COMMD10: variants seen among roughly 807,000 people sequenced by gnomAD.
COMMD10 encodes the protein COMM domain-containing protein 10.
In COMMD10, 33 loss-of-function variants were observed where a neutral mutation model predicts 28.9. The ratio of observed to expected loss-of-function variants is 1.14; its 90% CI spans 0.87 to 1.53. COMMD10 has a LOEUF of 1.53. Among genes scored for constraint, COMMD10 ranks in the 40% most tolerant of loss-of-function variants. The pLI is 0.00. For missense variants in COMMD10, 310 were observed against 233.4 expected, an observed-to-expected ratio of 1.33 and a Z score of -2.14; for synonymous variants, 110 against 81.7, an observed-to-expected ratio of 1.35 and a Z score of -1.87.
chr5:116,290,246 T>A (rs1328598156), intron 5 of COMMD10, among the ~76,000 whole-genome samples: 1 of 151,898 alleles, frequency 6.6e-6, no homozygotes, highest in Non-Finnish European at 1.5e-5. Context: ...ATTAAATCTT[T>A]GGAGCTTTAA....
chr5:116,268,120 G>T (rs1214499378), intron 5 of COMMD10, among the ~76,000 whole-genome samples: 5 of 151,868 alleles, frequency 3.3e-5, no homozygotes, highest in African/African-American at 7.3e-5. Context: ...AAACTAAAGA[G>T]CTTCTGCACA....
intron 5 of COMMD10, among the ~76,000 whole-genome samples, chr5:116,277,833 A>G (rs1750960734): frequency 6.6e-6 from 1 of 151,864 alleles, no homozygotes; most frequent in Non-Finnish European, 1.5e-5. Flanking sequence ...CCTTTTTCTT[A>G]CTCTGTGAAT....
intron 2 of COMMD10, 129 bp downstream of exon 2, chr5:116,087,716 A>C (rs1187568685): frequency 1.6e-6 from 1 of 635,732 alleles, no homozygotes; most frequent in Non-Finnish European, 2.8e-6. Flanking sequence ...GTTCTGTGGA[A>C]GATTTGGTAA....
intron 5 of COMMD10, among the ~76,000 whole-genome samples, chr5:116,250,371 C>T (rs1473064018): frequency 1.3e-5 from 2 of 151,060 alleles, no homozygotes; most frequent in African/African-American, 4.9e-5. Flanking sequence ...AATGCTGTGG[C>T]GTTTTTATTT....
chr5:116,092,336 A>G (rs1052980942), intron 3 of COMMD10, among the ~76,000 whole-genome samples: 2 of 152,164 alleles, frequency 1.3e-5, no homozygotes, highest in African/African-American at 4.8e-5. Context: ...AAAAAAATTC[A>G]TCTTGAATAA....
chr5:116,182,169 G>T (rs528936477), intron 5 of COMMD10, among the ~76,000 whole-genome samples: 8 of 152,126 alleles, frequency 5.3e-5, no homozygotes, highest in African/African-American at 1.9e-4. Context: ...GGAGGGAGGC[G>T]CATTATTCAA....
intron 5 of COMMD10, among the ~76,000 whole-genome samples, chr5:116,251,987 T>A (rs2112674781): frequency 1.8e-5 from 1 of 56,144 alleles, no homozygotes; most frequent in East Asian, 6.2e-4. Context: ...ATTGCCATTC[T>A]AAGTGGTGTG....
intron 5 of COMMD10, among the ~76,000 whole-genome samples, chr5:116,226,233 G>C (rs1019127430): frequency 6.6e-6 from 1 of 151,850 alleles, no homozygotes; most frequent in Non-Finnish European, 1.5e-5. Flanking sequence ...CTGGGGTTTT[G>C]TATGACCACG....
chr5:116,099,620 T>C (rs895429095), intron 4 of COMMD10, among the ~76,000 whole-genome samples: 1 of 152,216 alleles, frequency 6.6e-6, no homozygotes, highest in African/African-American at 2.4e-5. Context: ...TCTCTTGTCT[T>C]TTTGATAATA....
chr5:116,247,405 G>A (rs970386700), intron 5 of COMMD10, among the ~76,000 whole-genome samples: 4 of 152,082 alleles, frequency 2.6e-5, no homozygotes, highest in African/African-American at 9.7e-5. Context: ...GGAAGACAGC[G>A]TGGTGATTCC....
At chr5:116,245,395 A>G (rs1021019938) in intron 5 of COMMD10, among the ~76,000 whole-genome samples, 2 of 152,144 alleles carry the variant, frequency 1.3e-5, no homozygotes, top group Non-Finnish European at 2.9e-5. Flanking sequence ...ACGTATTCAC[A>G]TCTGAATTCT....
chr5:116,126,853 C>T (rs192386224), intron 4 of COMMD10, among the ~76,000 whole-genome samples: 6 of 152,030 alleles, frequency 3.9e-5, no homozygotes, highest in African/African-American at 1.2e-4. Flanking sequence ...ACCATTCAGG[C>T]CATAGGCATG....
intron 5 of COMMD10, among the ~76,000 whole-genome samples, chr5:116,206,603 G>A (rs201605613): frequency 6.6e-6 from 1 of 152,030 alleles, no homozygotes; most frequent in East Asian, 1.9e-4. Context: ...AGAGAGCCAA[G>A]ATAGTGCCAT....
At chr5:116,164,472 T>C (rs1009749559) in intron 5 of COMMD10, among the ~76,000 whole-genome samples, 1 of 152,238 alleles carries the variant, frequency 6.6e-6, no homozygotes, top group African/African-American at 2.4e-5. Context: ...TTCATTGGTT[T>C]AGAGAAGTCT....
At chr5:116,141,484 A>G (rs1399413221) in intron 5 of COMMD10, among the ~76,000 whole-genome samples, 3 of 151,896 alleles carry the variant, frequency 2.0e-5, no homozygotes, top group African/African-American at 7.2e-5. Flanking sequence ...CATTGAATCC[A>G]TATATTGCTA....
At chr5:116,127,490 G>A (rs1260203790) in intron 4 of COMMD10, among the ~76,000 whole-genome samples, 1 of 152,116 alleles carries the variant, frequency 6.6e-6, no homozygotes, top group African/African-American at 2.4e-5. Context: ...TGTTTATAGT[G>A]GCACTATTCT....
At chr5:116,291,288 G>A (rs1425496762) in intron 5 of COMMD10, among the ~76,000 whole-genome samples, 2 of 152,094 alleles carry the variant, frequency 1.3e-5, no homozygotes, top group East Asian at 1.9e-4. Context: ...ATTAACCTTC[G>A]TAGAGTCAAC....
intron 1 of COMMD10, 45 bp from the exon 2 acceptor site, chr5:116,087,452 A>G (rs752123627): frequency 8.3e-7 from 1 of 1,207,270 alleles, no homozygotes; most frequent in South Asian, 1.2e-5. Flanking sequence ...GTGCAGTTCA[A>G]CTTGGAAAAC....
chr5:116,117,886 AGACT>A (rs1176587527), intron 4 of COMMD10, among the ~76,000 whole-genome samples: 1 of 152,220 alleles, frequency 6.6e-6, no homozygotes, highest in African/African-American at 2.4e-5. Flanking sequence ...AACCATTACT[AGACT>A]AAGAACTCCA....
Sources: gnomAD v4.1 joint callset for allele counts (sites outside exome capture counted in the v4.1 genomes callset) on GRCh38, gnomAD v4.1.1 for gene constraint, MANE v1.5 for transcripts, NCBI Gene and HGNC (gene_info 2026-07-23, HGNC 2026-07-21) for gene names.